Variants in PDK1 observed in about 807,000 individuals in gnomAD.
PDK1 encodes pyruvate dehydrogenase kinase 1, also known as [Pyruvate dehydrogenase (acetyl-transferring)] kinase isozyme 1, mitochondrial.
A neutral mutation model predicts 54.2 loss-of-function variants in PDK1; 39 were observed. The ratio of observed to expected loss-of-function variants is 0.72; its 90% CI spans 0.56 to 0.94. PDK1 has a LOEUF of 0.94. PDK1 is among the 40% of genes least tolerant of loss of function. The pLI, the probability that PDK1 is intolerant of heterozygous loss-of-function variation, is 0.00. For synonymous variants in PDK1, 221 were observed against 207.1 expected, an observed-to-expected ratio of 1.07 and a Z score of -0.58; for missense variants, 552 against 566.0, an observed-to-expected ratio of 0.98 and a Z score of 0.25.
At chr2:172,639,547 C>T in the PDK1 span, among the ~76,000 whole-genome samples, 1 of 152,196 alleles carries the variant, frequency 6.6e-6, no homozygotes, top group African/African-American at 2.4e-5. Context: ...CATAAAACCA[C>T]AAAATATGCT....
the PDK1 span, among the ~76,000 whole-genome samples, chr2:172,644,109 A>C: frequency 6.6e-6 from 1 of 152,102 alleles, no homozygotes; most frequent in South Asian, 2.1e-4. Flanking sequence ...AGATGCCCCG[A>C]GGGCATGAGG....
At chr2:172,722,180 G>T in the PDK1 span, among the ~76,000 whole-genome samples, 1 of 152,202 alleles carries the variant, frequency 6.6e-6, no homozygotes, top group Non-Finnish European at 1.5e-5. Flanking sequence ...AGCCTCTATT[G>T]GTCCTAATCC....
intron 9 of PDK1, among the ~76,000 whole-genome samples, chr2:172,589,274 AT>A (rs1690437103): frequency 6.6e-6 from 1 of 152,222 alleles, no homozygotes; most frequent in Non-Finnish European, 1.5e-5. Context: ...CACTCAAATT[AT>A]GAAAGAAGGC....
At chr2:172,663,952 A>T in the PDK1 span, among the ~76,000 whole-genome samples, 1 of 131,352 alleles carries the variant, frequency 7.6e-6, no homozygotes, top group East Asian at 2.3e-4. Context: ...ACACAGGGTT[A>T]TGCCACCATA....
rs1227822069 is a variant in PDK1, at chr2:172,608,072, G to T, written c.*12103G>T. ...ATACTTGACTGACATTGAGACCCTT[G>T]ATGCAAAAAGGTAAGTAGAAGAGAA... On this transcript the variant is annotated 3_prime_UTR_variant, in exon 11 of 11. Transcript: ENST00000282077. 1 of 152,098 alleles carries T rather than the reference G, an allele frequency of 6.6e-6. No individual in the cohort carries two copies. The highest frequency in any genetic ancestry group is 1.5e-5 in the Non-Finnish European group (1 of 68,006). 9.4% of individuals were successfully genotyped at this position (152,098 alleles called of 1,614,324 possible). A position where few individuals can be genotyped will look rare whatever the true frequency, so the allele number is the denominator to read the frequency against.
intron 1 of PDK1, among the ~76,000 whole-genome samples, chr2:172,557,122 C>G (rs530433960): frequency 6.6e-6 from 1 of 152,166 alleles, no homozygotes; most frequent in South Asian, 2.1e-4. Context: ...TGAACGATAC[C>G]TGCATGGTTG....
chr2:172,672,109 T>A, the PDK1 span, among the ~76,000 whole-genome samples: 3 of 152,162 alleles, frequency 2.0e-5, no homozygotes, highest in Non-Finnish European at 4.4e-5. Flanking sequence ...ATTCTTGCAA[T>A]GTTTGTAGGT....
intron 9 of PDK1, among the ~76,000 whole-genome samples, chr2:172,592,340 C>A (rs1690637286): frequency 6.6e-6 from 1 of 152,120 alleles, no homozygotes; most frequent in Non-Finnish European, 1.5e-5. Context: ...CTTTCTGACT[C>A]CTCTTTGTCT....
the PDK1 span, among the ~76,000 whole-genome samples, chr2:172,622,035 G>A: frequency 4.8e-5 from 7 of 146,730 alleles, no homozygotes; most frequent in Non-Finnish European, 1.0e-4. Context: ...TCGTATATAC[G>A]TTTATATCTC....
At chr2:172,715,173 T>C in the PDK1 span, among the ~76,000 whole-genome samples, 1 of 152,152 alleles carries the variant, frequency 6.6e-6, no homozygotes, top group Non-Finnish European at 1.5e-5. Context: ...AGTGTTTTGA[T>C]CAAGGCAGCT....
At chr2:172,556,572 AAAAC>A (rs1398560829) in intron 1 of PDK1, 1 of 391,408 alleles carries the variant, frequency 2.6e-6, no homozygotes, top group Non-Finnish European at 4.5e-6. Context: ...CGTATTGTTG[AAAAC>A]AAACCAGCTG....
upstream of PDK1, chr2:172,555,860 G>C (rs553363292): frequency 1.4e-5 from 4 of 292,380 alleles, no homozygotes; most frequent in Non-Finnish European, 2.5e-5. Flanking sequence ...CGGGATCTGG[G>C]CGGCGGCTGC....
At chr2:172,614,080 G>A in the PDK1 span, among the ~76,000 whole-genome samples, 1 of 152,158 alleles carries the variant, frequency 6.6e-6, no homozygotes, top group Non-Finnish European at 1.5e-5. Context: ...CAAGTTGATG[G>A]GGTGGGAGCT....
At chr2:172,625,846 C>T in the PDK1 span, among the ~76,000 whole-genome samples, 42 of 152,200 alleles carry the variant, frequency 2.8e-4, no homozygotes, top group African/African-American at 9.4e-4. Context: ...TTTATGTATA[C>T]GTATCTATGT....
the PDK1 span, among the ~76,000 whole-genome samples, chr2:172,689,128 A>AT: frequency 4.6e-5 from 7 of 152,194 alleles, no homozygotes; most frequent in Middle Eastern, 0.01. Flanking sequence ...TGATTGGTCC[A>AT]TTTTACAGAG....
the PDK1 span, among the ~76,000 whole-genome samples, chr2:172,685,746 G>C: frequency 6.6e-6 from 1 of 152,052 alleles, no homozygotes; most frequent in Non-Finnish European, 1.5e-5. Flanking sequence ...GCACTTTGGG[G>C]TTCTAATGAT....
chr2:172,641,743 C>T, the PDK1 span, among the ~76,000 whole-genome samples: 1 of 152,112 alleles, frequency 6.6e-6, no homozygotes, highest in Non-Finnish European at 1.5e-5. Context: ...CACACCCTGT[C>T]CCAGATCATT....
the PDK1 span, among the ~76,000 whole-genome samples, chr2:172,667,479 G>A: frequency 6.6e-6 from 1 of 152,198 alleles, no homozygotes; most frequent in Non-Finnish European, 1.5e-5. Context: ...CTCTGAATTA[G>A]TTGGTTTGCA....
At chr2:172,715,602 C>T in the PDK1 span, among the ~76,000 whole-genome samples, 1 of 152,164 alleles carries the variant, frequency 6.6e-6, no homozygotes, top group Admixed American at 6.5e-5. Flanking sequence ...CAACTGCCCG[C>T]CTCATGGGAA....
Sources: allele counts gnomAD v4.1 joint callset (sites outside exome capture counted in the v4.1 genomes callset), GRCh38; gene constraint gnomAD v4.1.1; transcripts MANE v1.5; gene names NCBI Gene and HGNC (gene_info 2026-07-23, HGNC 2026-07-21).